Variants in TCF4 observed in about 807,000 individuals in gnomAD.
The protein encoded by TCF4 is transcription factor 4.
A neutral mutation model predicts 82.1 loss-of-function variants in TCF4; 3 were observed. That is an observed-to-expected ratio of 0.04 (90% confidence interval 0.02 to 0.09). TCF4 has a LOEUF of 0.09. Ranked by LOEUF, TCF4 falls within the 10% of genes least tolerant of loss-of-function variation. TCF4 has a pLI of 1.00. For synonymous variants in TCF4, 276 were observed against 309.6 expected (o/e 0.89, Z 1.14); for missense variants, 518 against 852.7 (o/e 0.61, Z 4.89).
intron 6 of TCF4, among the ~76,000 whole-genome samples, chr18:55,374,922 A>G (rs1200987211): frequency 6.6e-6 from 1 of 151,286 alleles, no homozygotes; most frequent in Non-Finnish European, 1.5e-5. Context: ...CCCAAATATC[A>G]AAAATTCCCC....
intron 3 of TCF4, among the ~76,000 whole-genome samples, chr18:55,561,260 T>C (rs530941080): frequency 4.5e-4 from 68 of 152,332 alleles, no homozygotes; most frequent in African/African-American, 1.6e-3. Context: ...TATACATACA[T>C]GCTTCTAATT....
At chr18:55,248,810 T>C (rs1373060611) in intron 15 of TCF4, among the ~76,000 whole-genome samples, 1 of 152,134 alleles carries the variant, frequency 6.6e-6, no homozygotes, top group African/African-American at 2.4e-5. Flanking sequence ...AGTGGCACAA[T>C]CTTGGCTCAC....
chr18:55,327,003 C>G (rs2076675472), intron 8 of TCF4, among the ~76,000 whole-genome samples: 1 of 152,122 alleles, frequency 6.6e-6, no homozygotes, highest in African/African-American at 2.4e-5. Flanking sequence ...CAGACAGACA[C>G]ACACACACAG....
chr18:55,266,611 C>A (rs2059236231), intron 11 of TCF4: 1 of 151,872 alleles, frequency 6.6e-6, no homozygotes, highest in Non-Finnish European at 1.5e-5. Flanking sequence ...GAGTAAAATA[C>A]CTTGTTCTAC....
At chr18:55,628,095 G>T (rs991344757) in intron 2 of TCF4, among the ~76,000 whole-genome samples, 1 of 152,102 alleles carries the variant, frequency 6.6e-6, no homozygotes. Flanking sequence ...CTTCATAGAG[G>T]ACATTCAAGC....
At chr18:55,422,062 A>G in intron 5 of TCF4, 2 of 497,818 alleles carry the variant, frequency 4.0e-6, no homozygotes, top group Non-Finnish European at 5.2e-6. Context: ...AAACTCTTAC[A>G]CTAAACCACA....
chr18:55,536,500 T>C (rs1305778587), intron 3 of TCF4, among the ~76,000 whole-genome samples: 2 of 152,178 alleles, frequency 1.3e-5, no homozygotes, highest in African/African-American at 4.8e-5. Context: ...CTTTCAGAAC[T>C]TGGTGACTCT....
At chr18:55,519,433 CAAAAAAAG>C (rs2096914379) in intron 3 of TCF4, among the ~76,000 whole-genome samples, 4 of 116,882 alleles carry the variant, frequency 3.4e-5, no homozygotes, top group African/African-American at 9.6e-5. Flanking sequence ...GACCCCGTCT[CAAAAAAAG>C]AAAAAAAAAA....
chr18:55,620,863 T>C (rs371077026), intron 2 of TCF4, among the ~76,000 whole-genome samples: 40 of 151,664 alleles, frequency 2.6e-4, no homozygotes, highest in African/African-American at 8.2e-4. Flanking sequence ...TTCATCTTGG[T>C]TGGGAACAGG....
At chr18:55,245,536 CCGTGCTGTG>C (rs1226487996) in intron 15 of TCF4, among the ~76,000 whole-genome samples, 2 of 152,198 alleles carry the variant, frequency 1.3e-5, no homozygotes, top group African/African-American at 4.8e-5. Context: ...GCTGGAGCTG[CCGTGCTGTG>C]GAGGGGCTTT....
chr18:55,377,214 G>C (rs1195193485), intron 6 of TCF4, among the ~76,000 whole-genome samples: 1 of 152,204 alleles, frequency 6.6e-6, no homozygotes, highest in Non-Finnish European at 1.5e-5. Context: ...CCAATGGAAA[G>C]CAAAAGGTTT....
chr18:55,448,998 G>A (rs2144269203), intron 5 of TCF4, among the ~76,000 whole-genome samples: 1 of 152,254 alleles, frequency 6.6e-6, no homozygotes, highest in Admixed American at 6.5e-5. Flanking sequence ...GCGAAAAATG[G>A]AAAATGTAAT....
At chr18:55,519,456 AG>A (rs1262532427) in intron 3 of TCF4, among the ~76,000 whole-genome samples, 1 of 151,722 alleles carries the variant, frequency 6.6e-6, no homozygotes, top group Non-Finnish European at 1.5e-5. Context: ...AAAAAAAAAA[AG>A]ATGTGTTCTA....
Position 55,223,868 on chromosome 18 carries a change from T to C in TCF4, c.*4167A>G, listed in dbSNP as rs1304039127. The C allele has an allele frequency of 6.6e-6, 1 of 152,336 alleles. No individual in the cohort carries two copies. The highest frequency in any genetic ancestry group is 1.9e-4 in the East Asian group (1 of 5,190). The allele number at this position is 152,336 out of a possible 1,614,324, so 9.4% of individuals were successfully genotyped here. A position where few individuals can be genotyped will look rare whatever the true frequency, so the allele number is the denominator to read the frequency against. ...AGCTACCCATACAGTTTCATCTTGG[T>C]AACACATGGTAAAATAACATCTTTT... On this transcript the variant is annotated 3_prime_UTR_variant, in exon 20 of 20. Coordinates refer to ENST00000354452, the MANE Select transcript of TCF4 (RefSeq NM_001083962.2).
chr18:55,431,532 A>G (rs1469349626), intron 5 of TCF4, among the ~76,000 whole-genome samples: 2 of 152,122 alleles, frequency 1.3e-5, no homozygotes, highest in Non-Finnish European at 2.9e-5. Flanking sequence ...CGCCCACCTC[A>G]GCCTCCAAAA....
At chr18:55,585,156 C>T (rs1939540065) in intron 3 of TCF4, 124 bp downstream of exon 3, 2 of 852,056 alleles carry the variant, frequency 2.3e-6, no homozygotes, top group Middle Eastern at 2.5e-4. Flanking sequence ...ATGCAATAAC[C>T]GTATGATTAC....
chr18:55,361,165 G>A (rs979460595), intron 6 of TCF4, among the ~76,000 whole-genome samples: 1 of 152,116 alleles, frequency 6.6e-6, no homozygotes, highest in African/African-American at 2.4e-5. Context: ...CTAGAACACT[G>A]GTGCACTGTG....
chr18:55,379,753 C>T (rs1483874858), intron 6 of TCF4, among the ~76,000 whole-genome samples: 1 of 152,140 alleles, frequency 6.6e-6, no homozygotes, highest in East Asian at 1.9e-4. Context: ...GTCAATTTAG[C>T]TGCTATAACA....
chr18:55,257,276 T>C (rs2057081388), intron 14 of TCF4, 39 bp downstream of exon 14: 3 of 1,595,338 alleles, frequency 1.9e-6, no homozygotes, highest in Non-Finnish European at 2.6e-6. Context: ...GAACATGACC[T>C]GAAAATGGGT....
Sources: gnomAD v4.1 joint callset for allele counts (sites outside exome capture counted in the v4.1 genomes callset) on GRCh38, gnomAD v4.1.1 for gene constraint, MANE v1.5 for transcripts, NCBI Gene and HGNC (gene_info 2026-07-23, HGNC 2026-07-21) for gene names.